Variants in SKAP1 observed in about 807,000 individuals in gnomAD.
The protein encoded by SKAP1 is src kinase-associated phosphoprotein 1.
Under a neutral mutation model 58.5 loss-of-function variants are expected in SKAP1, and 44 were observed. The ratio of observed to expected loss-of-function variants is 0.75; its 90% confidence interval spans 0.59 to 0.97. The LOEUF (loss-of-function observed/expected upper bound fraction) is 0.97, where lower values mean the gene tolerates loss of function less well. Among genes scored for constraint, SKAP1 ranks in the 50% least tolerant of loss-of-function variants. The pLI, the probability that SKAP1 is intolerant of heterozygous loss-of-function variation, is 0.00. For synonymous variants in SKAP1, 127 were observed against 149.7 expected (o/e 0.85, Z 1.11); for missense variants, 390 against 435.2 (o/e 0.90, Z 0.92).
At chr17:48,435,765 G>T in the SKAP1 span, among the ~76,000 whole-genome samples, 1 of 152,180 alleles carries the variant, frequency 6.6e-6, no homozygotes, top group African/African-American at 2.4e-5. Context: ...GGGATTCAAG[G>T]TGAGAGAAGG....
At chr17:48,395,197 A>T (rs908659311) in intron 2 of SKAP1, among the ~76,000 whole-genome samples, 2 of 152,218 alleles carry the variant, frequency 1.3e-5, no homozygotes, top group African/African-American at 4.8e-5. Context: ...ATTAAGAAGT[A>T]TAATAATATG....
intron 4 of SKAP1, among the ~76,000 whole-genome samples, chr17:48,318,187 G>A (rs148729169): frequency 1.8e-4 from 27 of 152,236 alleles, no homozygotes; most frequent in East Asian, 5.8e-4. Context: ...CAGACCACTG[G>A]TCCATCCCTT....
chr17:48,160,406 G>C (rs2064051541), intron 11 of SKAP1, among the ~76,000 whole-genome samples: 1 of 152,012 alleles, frequency 6.6e-6, no homozygotes, highest in Admixed American at 6.5e-5. Context: ...TAAAATACTG[G>C]GATCACAGGC....
intron 1 of SKAP1, among the ~76,000 whole-genome samples, chr17:48,408,506 G>A (rs1032337235): frequency 6.6e-6 from 1 of 151,982 alleles, no homozygotes; most frequent in African/African-American, 2.4e-5. Context: ...AGCACAGAAA[G>A]CAATCAGTTT....
chr17:48,346,206 G>A (rs1440907789), intron 3 of SKAP1, among the ~76,000 whole-genome samples, 200 bp from the exon 4 acceptor site: 1 of 152,178 alleles, frequency 6.6e-6, no homozygotes, highest in Non-Finnish European at 1.5e-5. Context: ...TTACCTGGAT[G>A]AAAAATTTTC....
chr17:48,184,889 A>G, intron 6 of SKAP1, 42 bp from the exon 7 acceptor site: 1 of 1,590,414 alleles, frequency 6.3e-7, no homozygotes, highest in Non-Finnish European at 8.6e-7. Context: ...GAGAGATGCA[A>G]CTGCCAAGGG....
chr17:48,416,630 A>G (rs1043227571), intron 1 of SKAP1, among the ~76,000 whole-genome samples: 13 of 152,244 alleles, frequency 8.5e-5, no homozygotes, highest in African/African-American at 1.2e-4. Flanking sequence ...GTAGAAAACC[A>G]TATTTCATTC....
chr17:48,176,935 G>C (rs750074401), intron 9 of SKAP1, among the ~76,000 whole-genome samples: 19 of 152,128 alleles, frequency 1.2e-4, no homozygotes, highest in Non-Finnish European at 1.8e-4. Flanking sequence ...GGCTTGTGTG[G>C]GCCCCATCCC....
chr17:48,156,003 C>T (rs937011824), intron 11 of SKAP1, among the ~76,000 whole-genome samples: 5 of 152,248 alleles, frequency 3.3e-5, no homozygotes, highest in South Asian at 2.1e-4. Context: ...GTGCCCAGGC[C>T]GAATGGATTT....
intron 4 of SKAP1, among the ~76,000 whole-genome samples, chr17:48,243,714 A>G (rs1421773310): frequency 1.3e-5 from 2 of 152,130 alleles, no homozygotes; most frequent in Non-Finnish European, 2.9e-5. Flanking sequence ...TGCTATTAAT[A>G]TATATATAAA....
the SKAP1 span, among the ~76,000 whole-genome samples, chr17:48,437,572 A>G: frequency 6.6e-6 from 1 of 151,900 alleles, no homozygotes; most frequent in African/African-American, 2.4e-5. Flanking sequence ...GCGAAATCCC[A>G]TCTCTACAAA....
chr17:48,167,594 C>A (rs2064157683), intron 10 of SKAP1, among the ~76,000 whole-genome samples: 1 of 152,092 alleles, frequency 6.6e-6, no homozygotes, highest in Admixed American at 6.5e-5. Flanking sequence ...TAAAAGCAAT[C>A]ATTTGCTTAT....
chr17:48,209,466 T>G (rs2064846455), intron 4 of SKAP1, among the ~76,000 whole-genome samples: 1 of 152,136 alleles, frequency 6.6e-6, no homozygotes, highest in Admixed American at 6.5e-5. Flanking sequence ...TTACCCCAGG[T>G]TTGTAAAAGC....
intron 1 of SKAP1, among the ~76,000 whole-genome samples, chr17:48,406,879 T>G (rs1045497184): frequency 9.2e-5 from 14 of 151,994 alleles, no homozygotes; most frequent in Non-Finnish European, 1.5e-4. Context: ...TTTTAAAAAT[T>G]TTTTGTAGAG....
At chr17:48,270,862 T>C (rs1466735938) in intron 4 of SKAP1, among the ~76,000 whole-genome samples, 1 of 152,074 alleles carries the variant, frequency 6.6e-6, no homozygotes, top group African/African-American at 2.4e-5. Flanking sequence ...GTTTCCAAAT[T>C]TGCACTATAA....
At chr17:48,341,520 G>T (rs1230196182) in intron 4 of SKAP1, among the ~76,000 whole-genome samples, 2 of 152,162 alleles carry the variant, frequency 1.3e-5, no homozygotes, top group East Asian at 3.9e-4. Flanking sequence ...TGTAAAAAAA[G>T]GGTTCTTTTT....
chr17:48,420,731 G>C (rs1265656443), intron 1 of SKAP1, among the ~76,000 whole-genome samples: 1 of 152,148 alleles, frequency 6.6e-6, no homozygotes, highest in African/African-American at 2.4e-5. Context: ...ATAGGCTTTT[G>C]TGGAAATTGA....
chr17:48,442,584 T>G, the SKAP1 span, among the ~76,000 whole-genome samples: 1 of 152,074 alleles, frequency 6.6e-6, no homozygotes, highest in East Asian at 1.9e-4. Flanking sequence ...CAAGTCACCT[T>G]CTCCTTCCAA....
At chr17:48,192,483 T>G (rs1598412554) in intron 4 of SKAP1, among the ~76,000 whole-genome samples, 1 of 152,186 alleles carries the variant, frequency 6.6e-6, no homozygotes, top group East Asian at 1.9e-4. Context: ...TTGCCTCGTG[T>G]GCAGGGAGAG....
Sources: allele counts gnomAD v4.1 joint callset (sites outside exome capture counted in the v4.1 genomes callset), GRCh38; gene constraint gnomAD v4.1.1; transcripts MANE v1.5; gene names NCBI Gene and HGNC (gene_info 2026-07-23, HGNC 2026-07-21).